The following BTRC variants were observed in gnomAD, a reference collection of about 807,000 sequenced individuals.
The protein encoded by BTRC is beta-transducin repeat containing E3 ubiquitin protein ligase, also known as F-box/WD repeat-containing protein 1A.
In BTRC, 42 loss-of-function variants were observed where a neutral mutation model predicts 85.5. That is an observed-to-expected ratio of 0.49 (90% CI 0.38 to 0.64). BTRC has a LOEUF of 0.64. Ranked by LOEUF, BTRC falls within the 30% of genes least tolerant of loss-of-function variation. The pLI, the probability that BTRC is intolerant of heterozygous loss-of-function variation, is 0.00. For missense variants in BTRC, 594 were observed against 743.5 expected (o/e 0.80, Z 2.34); for synonymous variants, 255 against 263.3 (o/e 0.97, Z 0.30).
intron 3 of BTRC, among the ~76,000 whole-genome samples, chr10:101,463,663 T>C (rs1392320252): frequency 1.3e-5 from 2 of 152,094 alleles, no homozygotes; most frequent in Non-Finnish European, 2.9e-5. Flanking sequence ...AGTTTTTAGA[T>C]ATGATGTGAC....
chr10:101,394,678 T>G (rs558085183), intron 1 of BTRC, among the ~76,000 whole-genome samples: 2 of 152,316 alleles, frequency 1.3e-5, no homozygotes, highest in East Asian at 1.9e-4. Flanking sequence ...GTTAAAATTC[T>G]TAGCAGTCGG....
At chr10:101,404,027 T>C in intron 1 of BTRC, among the ~76,000 whole-genome samples, 1 of 36,680 alleles carries the variant, frequency 2.7e-5, no homozygotes, top group African/African-American at 9.0e-5. Context: ...TATATATATA[T>C]ATATTTTTTT....
Position 101,534,922 on chromosome 10 carries a change from T to G in BTRC, c.1347+12T>G. The G allele has an allele frequency of 6.2e-7, 1 of 1,605,162 alleles. No homozygotes were observed. The highest frequency in any genetic ancestry group is 8.5e-7 in the Non-Finnish European group (1 of 1,172,270). On this transcript the variant is annotated intron_variant, in intron 10 of 14. Coordinates refer to ENST00000370187, the MANE Select transcript of BTRC (RefSeq NM_033637.4). ...ATAGAACTATAAAGGTAATAAGGCA[T>G]TTTTCAGTAAGTTTCCAACTTAGAA... is the stretch of plus-strand genomic sequence containing the variant.
chr10:101,404,221 G>A (rs568292303), intron 1 of BTRC, among the ~76,000 whole-genome samples: 28 of 150,626 alleles, frequency 1.9e-4, no homozygotes, highest in African/African-American at 5.6e-4. Flanking sequence ...TGGTAGAGAC[G>A]GGGTTTCACC....
intron 1 of BTRC, among the ~76,000 whole-genome samples, chr10:101,359,100 A>G (rs1458364335): frequency 6.6e-6 from 1 of 152,214 alleles, no homozygotes; most frequent in Non-Finnish European, 1.5e-5. Context: ...ACTTCCCTTA[A>G]TGATGTCACT....
intron 3 of BTRC, among the ~76,000 whole-genome samples, chr10:101,472,222 T>C (rs1387508158): frequency 1.3e-5 from 2 of 151,970 alleles, no homozygotes; most frequent in African/African-American, 2.4e-5. Context: ...ATTTCATTTT[T>C]CTCCCTTCCT....
chr10:101,378,137 A>G (rs1204087306), intron 1 of BTRC, among the ~76,000 whole-genome samples: 1 of 152,164 alleles, frequency 6.6e-6, no homozygotes, highest in Non-Finnish European at 1.5e-5. Context: ...GGAGGCAAGG[A>G]AGGCTTTCCC....
chr10:101,537,705 C>G (rs1350134140), intron 12 of BTRC, among the ~76,000 whole-genome samples: 1 of 152,160 alleles, frequency 6.6e-6, no homozygotes, highest in Non-Finnish European at 1.5e-5. Context: ...GTGTAGACTG[C>G]TCACTTCTTC....
At chr10:101,372,774 A>G (rs1345389225) in intron 1 of BTRC, among the ~76,000 whole-genome samples, 1 of 151,822 alleles carries the variant, frequency 6.6e-6, no homozygotes, top group African/African-American at 2.4e-5. Flanking sequence ...GAGGCAGGAG[A>G]ATCGCTTGAA....
intron 2 of BTRC, among the ~76,000 whole-genome samples, chr10:101,441,653 G>T (rs1379602239): frequency 2.6e-5 from 4 of 152,148 alleles, no homozygotes; most frequent in Non-Finnish European, 5.9e-5. Context: ...GCTGAGGCGG[G>T]CGGATTGCCT....
chr10:101,463,466 C>T (rs779644017), intron 3 of BTRC, among the ~76,000 whole-genome samples: 1 of 152,128 alleles, frequency 6.6e-6, no homozygotes, highest in African/African-American at 2.4e-5. Flanking sequence ...AGACATGAGC[C>T]ACCACACCTG....
At chr10:101,537,560 G>A (rs1293480796) in intron 12 of BTRC, among the ~76,000 whole-genome samples, 1 of 152,202 alleles carries the variant, frequency 6.6e-6, no homozygotes, top group Non-Finnish European at 1.5e-5. Context: ...ATTCACTTAG[G>A]AAGAACTCTT....
chr10:101,555,052 A>G lies in BTRC; in HGVS notation c.*1929A>G, dbSNP rs933768808. On this transcript the variant is annotated 3_prime_UTR_variant, in exon 15 of 15. Transcript: ENST00000370187. Reference sequence around the variant, plus strand: ...ATTTTCTCAATGTAATTCCCTTCCCAGCTACCCAAATGCTACAGAGAAATG... The same window carrying G: ...ATTTTCTCAATGTAATTCCCTTCCCGGCTACCCAAATGCTACAGAGAAATG... The G allele has an allele frequency of 2.6e-5, 4 of 152,270 alleles. No individual in the cohort carries two copies. The highest frequency in any genetic ancestry group is 7.2e-5 in the African/African-American group (3 of 41,462). 9.4% of individuals were successfully genotyped at this position (152,270 alleles called of 1,614,324 possible).
intron 1 of BTRC, among the ~76,000 whole-genome samples, chr10:101,368,527 C>T (rs754257863): frequency 1.0e-4 from 13 of 123,852 alleles, no homozygotes; most frequent in Non-Finnish European, 1.4e-4. Context: ...TTGCCCAGGC[C>T]GGAGTGCAGT....
chr10:101,528,122 T>A lies in BTRC; in HGVS notation c.743+1923T>A, dbSNP rs118137938. 4.1e-3 allele frequency among the ~76,000 whole-genome samples: 624 copies of A among 152,312 alleles called. 3 individuals carry two copies. The highest frequency in any genetic ancestry group is 9.7e-3 in the Admixed American group (149 of 15,298). ...CTCCAAATAACTCCTGAAATTTCAGTTAAGGAGATTCATTCCTTTAGCTAT... is the reference window on the plus strand; with the variant it reads ...CTCCAAATAACTCCTGAAATTTCAGATAAGGAGATTCATTCCTTTAGCTAT... On this transcript the variant is annotated intron_variant, in intron 6 of 14. Coordinates refer to ENST00000370187, the MANE Select transcript of BTRC (RefSeq NM_033637.4).
intron 4 of BTRC, among the ~76,000 whole-genome samples, chr10:101,515,479 A>G (rs1208614398): frequency 1.3e-5 from 2 of 151,608 alleles, no homozygotes; most frequent in East Asian, 3.9e-4. Context: ...AATGTTTTAT[A>G]GTTTTCAATT....
At chr10:101,437,953 C>T (rs942948175) in intron 2 of BTRC, among the ~76,000 whole-genome samples, 1 of 152,198 alleles carries the variant, frequency 6.6e-6, no homozygotes, top group Non-Finnish European at 1.5e-5. Context: ...CTTCCCTGAT[C>T]TTTATCTTTG....
chr10:101,400,948 C>T (rs1373432540), intron 1 of BTRC, among the ~76,000 whole-genome samples: 5 of 152,070 alleles, frequency 3.3e-5, no homozygotes, highest in Non-Finnish European at 5.9e-5. Flanking sequence ...ATCTTCCCAC[C>T]GAACACTGCA....
intron 2 of BTRC, among the ~76,000 whole-genome samples, chr10:101,445,515 G>A (rs4451650): frequency 0.7 from 107,041 of 151,970 alleles, 38,100 homozygotes; most frequent in East Asian, 0.81. Flanking sequence ...AGTGATTGGA[G>A]ACAGTTCACT....
Sources: allele counts gnomAD v4.1 joint callset (sites outside exome capture counted in the v4.1 genomes callset), GRCh38; gene constraint gnomAD v4.1.1; transcripts MANE v1.5; gene names NCBI Gene and HGNC (gene_info 2026-07-23, HGNC 2026-07-21).